INTS4: variants seen among roughly 807,000 people sequenced by gnomAD.
INTS4 encodes MSTP093.
A neutral mutation model predicts 119.5 loss-of-function variants in INTS4; 70 were observed. The ratio of observed to expected loss-of-function variants is 0.59; its 90% CI spans 0.48 to 0.71. The LOEUF (loss-of-function observed/expected upper bound fraction) is 0.71. Among genes scored for constraint, INTS4 ranks in the 30% least tolerant of loss-of-function variants. The pLI, the probability that INTS4 is intolerant of heterozygous loss-of-function variation, is 0.00. For missense variants in INTS4, 867 were observed against 1,173.2 expected (o/e 0.74, Z 3.81); for synonymous variants, 316 against 419.6 (o/e 0.75, Z 3.02).
intron 15 of INTS4, among the ~76,000 whole-genome samples, chr11:77,910,307 G>A (rs1440217686): frequency 6.6e-6 from 1 of 151,614 alleles, no homozygotes; most frequent in Non-Finnish European, 1.5e-5. Context: ...CATGGATGAA[G>A]CTGGAAACCA....
intron 14 of INTS4, among the ~76,000 whole-genome samples, chr11:77,920,883 A>AAT (rs913133709): frequency 1.5e-4 from 22 of 149,982 alleles, no homozygotes; most frequent in Non-Finnish European, 2.4e-4. Flanking sequence ...TAAATAAATA[A>AAT]ATATATATAT....
intron 10 of INTS4, among the ~76,000 whole-genome samples, chr11:77,931,577 G>A (rs1212379509): frequency 6.6e-6 from 1 of 152,062 alleles, no homozygotes; most frequent in Non-Finnish European, 1.5e-5. Context: ...AACATCTCAT[G>A]TACCCCTTAA....
intron 11 of INTS4, among the ~76,000 whole-genome samples, 180 bp from the exon 12 acceptor site, chr11:77,925,072 G>A (rs1398540084): frequency 6.6e-6 from 1 of 152,136 alleles, no homozygotes; most frequent in Non-Finnish European, 1.5e-5. Flanking sequence ...AGGACCAGAG[G>A]CAGTAGCTTT....
chr11:77,890,318 A>G (rs535614800), intron 21 of INTS4, among the ~76,000 whole-genome samples: 1 of 152,236 alleles, frequency 6.6e-6, no homozygotes, highest in Admixed American at 6.5e-5. Flanking sequence ...GGCCTGATTC[A>G]TCCTTACCTC....
intron 8 of INTS4, among the ~76,000 whole-genome samples, chr11:77,952,728 G>C (rs1250177358): frequency 6.6e-6 from 1 of 152,140 alleles, no homozygotes; most frequent in East Asian, 1.9e-4. Context: ...AAATTTCAAT[G>C]TACCATATGT....
intron 2 of INTS4, among the ~76,000 whole-genome samples, chr11:77,983,410 C>T (rs1001180071): frequency 6.6e-6 from 1 of 152,118 alleles, no homozygotes; most frequent in Non-Finnish European, 1.5e-5. Flanking sequence ...CAGTCTTCTT[C>T]TAGTTCTTTA....
chr11:77,883,836 C>G lies in INTS4; in HGVS notation c.2709G>C (p.Trp903Cys). Residue 903 changes from tryptophan to cysteine, a missense_variant, in exon 22 of 23, where the codon TGG (tryptophan) becomes TGC (cysteine). This residue lies in a region of INTS4 where 122 missense variants were observed against 133.2 expected (regional missense o/e 0.92). Coordinates refer to ENST00000534064, the MANE Select transcript of INTS4 (RefSeq NM_033547.4). ...ITQVYLSHTA[W>C]TEACQVEVRL... The stretch of plus-strand genomic sequence containing the variant: ...ACCCTGGTCCTGACTCCTTACCTGT[C>G]CAAGCGGTGTGGGAGAGATAAACCT... 6.2e-7 allele frequency: 1 copy of G among 1,612,862 alleles called. No individual in the cohort carries two copies. The highest frequency in any genetic ancestry group is 8.5e-7 in the Non-Finnish European group (1 of 1,179,486).
chr11:77,958,864 GT>G (rs770478993), intron 6 of INTS4, 30 bp from the exon 7 acceptor site: 12 of 1,338,378 alleles, frequency 9.0e-6, no homozygotes, highest in South Asian at 8.4e-5. Context: ...AAGTCTATTA[GT>G]TCTGTGTCCT....
rs759234854 is a variant in INTS4 at position 77,907,719 on chromosome 11, T to G, written c.2014A>C (p.Lys672Gln). 1 of 1,611,600 alleles carries G rather than the reference T, an allele frequency of 6.2e-7. No individual in the cohort carries two copies. Among genetic ancestry groups the G allele is most frequent in the South Asian group, 1.1e-5 (1 of 90,940 alleles). The stretch of plus-strand genomic sequence containing the variant: ...AAATGGAATGGATGCAAACCAACCT[T>G]GATGAGAAGTAGTTGACAGCGAAGA... ...TYLRCQLLLI[K>Q]ALQEKLWNVA... Residue 672 changes from lysine (K) to glutamine (Q), a missense_variant and splice_region_variant, in exon 16 of 23, where the codon AAG (lysine) becomes CAG (glutamine). This residue lies in a region of INTS4 where 262 missense variants were observed against 376.0 expected (regional missense o/e 0.70). Coordinates refer to ENST00000534064, the MANE Select transcript of INTS4 (RefSeq NM_033547.4).
intron 9 of INTS4, among the ~76,000 whole-genome samples, chr11:77,940,300 G>A (rs1953899100): frequency 6.6e-6 from 1 of 151,870 alleles, no homozygotes; most frequent in Non-Finnish European, 1.5e-5. Flanking sequence ...GCATGGTGAG[G>A]TATGCCTGTA....
chr11:77,941,067 A>T, intron 9 of INTS4, 113 bp downstream of exon 9: 1 of 1,393,052 alleles, frequency 7.2e-7, no homozygotes, highest in African/African-American at 1.5e-5. Flanking sequence ...AATGTAATAC[A>T]GTTATCATGT....
intron 4 of INTS4, among the ~76,000 whole-genome samples, chr11:77,972,716 C>G (rs981624970): frequency 1.3e-5 from 2 of 151,950 alleles, no homozygotes; most frequent in African/African-American, 2.4e-5. Flanking sequence ...CATGCCTGGA[C>G]CTGACTCTCA....
chr11:77,878,358 T>C (rs1037632775), downstream of INTS4, among the ~76,000 whole-genome samples: 1 of 146,990 alleles, frequency 6.8e-6, no homozygotes, highest in Admixed American at 6.8e-5. Context: ...CAAGACTCCA[T>C]CTCAAAAAAA....
intron 8 of INTS4, among the ~76,000 whole-genome samples, chr11:77,942,579 C>T (rs1953954589): frequency 6.6e-6 from 1 of 152,130 alleles, no homozygotes; most frequent in Admixed American, 6.6e-5. Context: ...TCCCCATTTT[C>T]TAGATGAGAA....
At chr11:77,903,252 G>C (rs565249893) in intron 17 of INTS4, among the ~76,000 whole-genome samples, 1 of 152,244 alleles carries the variant, frequency 6.6e-6, no homozygotes, top group Non-Finnish European at 1.5e-5. Flanking sequence ...CCTGAAATTA[G>C]GGAGGCCACA....
intron 18 of INTS4, among the ~76,000 whole-genome samples, chr11:77,900,099 TC>T (rs1351121348): frequency 1.4e-5 from 2 of 141,778 alleles, no homozygotes; most frequent in East Asian, 2.0e-4. Context: ...TATATGAATA[TC>T]TTTTTTTTTT....
At chr11:77,913,978 T>C (rs1233023829) in intron 15 of INTS4, among the ~76,000 whole-genome samples, 1 of 152,172 alleles carries the variant, frequency 6.6e-6, no homozygotes, top group African/African-American at 2.4e-5. Flanking sequence ...GATACAGGAA[T>C]CCCCTGTAAA....
chr11:77,979,616 C>T (rs1321138534), intron 3 of INTS4, among the ~76,000 whole-genome samples: 1 of 150,880 alleles, frequency 6.6e-6, no homozygotes, highest in African/African-American at 2.4e-5. Flanking sequence ...GTTCTATATA[C>T]ATAGTGTGCT....
chr11:77,901,228 G>A, intron 18 of INTS4, 193 bp downstream of exon 18: 1 of 662,806 alleles, frequency 1.5e-6, no homozygotes, highest in Non-Finnish European at 2.6e-6. Context: ...GACACAATTG[G>A]ATTTCCAAGG....
Sources: gnomAD v4.1 joint callset for allele counts (sites outside exome capture counted in the v4.1 genomes callset) on GRCh38, gnomAD v4.1.1 for gene constraint, gnomAD v4.1.1 regional missense constraint, MANE v1.5 for transcripts, NCBI Gene and HGNC (gene_info 2026-07-23, HGNC 2026-07-21) for gene names.